MTHFSD: variants seen among roughly 807,000 people sequenced by gnomAD.
MTHFSD encodes methenyltetrahydrofolate synthetase domain containing.
In MTHFSD, 37 loss-of-function variants were observed where a neutral mutation model predicts 31.1. The ratio of observed to expected loss-of-function variants is 1.19; its 90% confidence interval spans 0.91 to 1.56. The LOEUF (loss-of-function observed/expected upper bound fraction) is 1.56, where lower values mean the gene tolerates loss of function less well. Ranked by LOEUF, MTHFSD falls within the 40% of genes most tolerant of loss-of-function variation. The probability of loss-of-function intolerance (pLI) is 0.00; values close to 1 mark genes in which losing one functional copy is unlikely to be tolerated. For missense variants in MTHFSD, 664 were observed against 510.1 expected (o/e 1.30, Z -2.91); for synonymous variants, 221 against 206.9 (o/e 1.07, Z -0.59).
chr16:86,550,166 C>A (rs372766822), intron 3 of MTHFSD, among the ~76,000 whole-genome samples: 5 of 152,340 alleles, frequency 3.3e-5, no homozygotes, highest in East Asian at 1.9e-4. Context: ...TGCATCTTTA[C>A]CTGCATCCCA....
rs1970063619 is a variant in MTHFSD, at chr16:86,532,200, G to T, written c.963C>A (p.Asp321Glu). 2 of 1,587,024 alleles carry T rather than the reference G, an allele frequency of 1.3e-6. No homozygotes were observed. Among genetic ancestry groups the T allele is most frequent in the Non-Finnish European group, 1.7e-6 (2 of 1,167,166 alleles). ...CGAGTTCCCGCAGGGCTCTCTTCAG[G>T]TCACTCACACGGGCGTCCCCGGGGA... ...GNLPGDARVSDLKRALRELGS... is the reference protein window; with the variant it reads ...GNLPGDARVSELKRALRELGS... The change falls in exon 8 of 8, where the codon GAC becomes GAA. Residue 321 changes from aspartate (D) to glutamate (E), a missense_variant. By Grantham distance (45) the Asp-to-Glu change is conservative. Coordinates refer to ENST00000360900, the MANE Select transcript of MTHFSD (RefSeq NM_001159377.2).
Position 86,541,705 on chromosome 16 carries a change from A to G in MTHFSD, c.673T>C (p.Trp225Arg). 1 of 1,613,378 alleles carries G rather than the reference A, an allele frequency of 6.2e-7. No individual in the cohort carries two copies. Among genetic ancestry groups the G allele is most frequent in the Non-Finnish European group, 8.5e-7 (1 of 1,179,736 alleles). The stretch of plus-strand genomic sequence containing the variant: ...CCACTGCCGTGACCCACCTTGAACC[A>G]GGTGATTCCCATTGGCTTTGGGCGC... ...CKRPKPMGIT[W>R]FKISLEMMEK... Residue 225 changes from tryptophan (W) to arginine (R), a missense_variant, in exon 7 of 8, where the codon TGG becomes CGG. By Grantham distance (101) the Trp-to-Arg change is moderately radical. Transcript: ENST00000360900.
intron 3 of MTHFSD, among the ~76,000 whole-genome samples, chr16:86,549,269 C>T (rs1188133476): frequency 6.6e-6 from 1 of 152,242 alleles, no homozygotes; most frequent in Non-Finnish European, 1.5e-5. Context: ...GACTCTGATG[C>T]ACACGAAAGT....
At chr16:86,551,596 A>G (rs1973150641) in intron 3 of MTHFSD, among the ~76,000 whole-genome samples, 2 of 152,238 alleles carry the variant, frequency 1.3e-5, no homozygotes, top group South Asian at 2.1e-4. Flanking sequence ...TGGTCTTTAT[A>G]GTATCAGAAC....
intron 7 of MTHFSD, among the ~76,000 whole-genome samples, chr16:86,536,791 C>T (rs4843392): frequency 0.22 from 32,917 of 152,268 alleles, 4,138 homozygotes; most frequent in East Asian, 0.34. Flanking sequence ...GGCTGCCTCC[C>T]TCCCCCTGCT....
In MTHFSD at chr16:86,548,542, CA is replaced by C. The variant is rs1172836832; in HGVS notation, c.272del (p.Leu91ArgfsTer20). On this transcript the variant is annotated frameshift_variant, in exon 4 of 8. Coordinates refer to ENST00000360900, the MANE Select transcript of MTHFSD (RefSeq NM_001159377.2). LOFTEE classifies it high-confidence loss of function. ...TGATCTTATTAAACAATCCCGTTCT[CA>C]GTCGTGGTGTTGGAACCAACAATGT... ...KKTLLVPTPR[L>X]RTGLFNKITP... is the part of the protein sequence containing the mutation. The C allele has an allele frequency of 3.7e-6, 6 of 1,613,172 alleles. No homozygotes were observed. Among genetic ancestry groups the C allele is most frequent in the Non-Finnish European group, 4.2e-6 (5 of 1,179,768 alleles).
At chr16:86,547,210 C>T (rs918759443) in intron 4 of MTHFSD, 1 of 986,118 alleles carries the variant, frequency 1.0e-6, no homozygotes, top group Non-Finnish European at 1.2e-6. Context: ...ACAATATACT[C>T]GCTTCTAAAA....
At chr16:86,550,825 C>G (rs186493042) in intron 3 of MTHFSD, among the ~76,000 whole-genome samples, 30 of 152,332 alleles carry the variant, frequency 2.0e-4, no homozygotes, top group African/African-American at 6.3e-4. Context: ...TGGGGCTGAA[C>G]CACCATCAGC....
chr16:86,548,540 C>G lies in MTHFSD; in HGVS notation c.275G>C (p.Arg92Thr), dbSNP rs1466212320. The G allele has an allele frequency of 6.2e-7, 1 of 1,613,292 alleles. No individual in the cohort carries two copies. Among genetic ancestry groups the G allele is most frequent in the Admixed American group, 1.7e-5 (1 of 59,822 alleles). Residue 92 changes from arginine to threonine, a missense_variant, in exon 4 of 8, where the codon AGA becomes ACA. Transcript: ENST00000360900. ...TGTGATCTTATTAAACAATCCCGTTCTCAGTCGTGGTGTTGGAACCAACAA... is the reference window on the plus strand; with the variant it reads ...TGTGATCTTATTAAACAATCCCGTTGTCAGTCGTGGTGTTGGAACCAACAA... ...KTLLVPTPRL[R>T]TGLFNKITPP...
chr16:86,532,025 G>T lies in MTHFSD; in HGVS notation c.1138C>A (p.Gln380Lys). 6.8e-7 allele frequency: 1 copy of T among 1,479,496 alleles called. No homozygotes were observed. 91.6% of individuals were successfully genotyped at this position (1,479,496 alleles called of 1,614,324 possible). Residue 380 changes from glutamine (Q) to lysine (K), a missense_variant, in exon 8 of 8, where the codon CAG (glutamine) becomes AAG (lysine). By Grantham distance (53) the Gln-to-Lys change is moderately conservative (BLOSUM62 1). Coordinates refer to ENST00000360900, the MANE Select transcript of MTHFSD (RefSeq NM_001159377.2). ...TGTCCACGAGGTCACTTGTCCCTCT[G>T]CTGCCTGGCCAGCGCCACCCTCAGG... ...DTLRVALARQ[Q>K]RDK
Position 86,542,449 on chromosome 16 carries a change from C to T in MTHFSD, c.443-236G>A, listed in dbSNP as rs917102171. On this transcript the variant is annotated intron_variant, in intron 5 of 7. Coordinates refer to ENST00000360900, the MANE Select transcript of MTHFSD (RefSeq NM_001159377.2). The surrounding 1 kb of genome is among the most constrained non-coding windows in gnomAD (Gnocchi z 4.6). ...ATGTCAGGTGGTGAAACTACAATGA[C>T]GTGAACACTGGACCGTTCAAGCATG... The T allele has an allele frequency of 1.6e-4, 84 of 541,468 alleles. 1 individual carries two copies. Among genetic ancestry groups the T allele is most frequent in the African/African-American group, 1.2e-3 (63 of 52,638 alleles). The allele number at this position is 541,468 out of a possible 1,614,324, so 33.5% of individuals were successfully genotyped here.
chr16:86,532,142 G>T lies in MTHFSD; in HGVS notation c.1021C>A (p.Pro341Thr), dbSNP rs1015642390. The change falls in exon 8 of 8, where the codon CCG becomes ACG. Residue 341 changes from proline to threonine, a missense_variant. Pro to Thr is a conservative substitution (Grantham distance 38). Transcript: ENST00000360900. ...TAATGGAGGAAGGCTCTGCGCCGCG[G>T]GCCCTGCCAGGTGAGCCGCAGGGGC... ...SVPLRLTWQG[P>T]RRRAFLHYPD... is the part of the protein sequence containing the mutation. The T allele has an allele frequency of 6.4e-7, 1 of 1,560,646 alleles. No individual in the cohort carries two copies.
At position 86,542,022 on chromosome 16, in the gene MTHFSD, A is replaced by T. The variant is rs1971599301; in HGVS notation, c.555+79T>A. 7.0e-6 allele frequency: 10 copies of T among 1,418,624 alleles called. No homozygotes were observed. In the East Asian group the frequency reaches 2.3e-4, roughly 33 times the overall value. The allele number at this position is 1,418,624 out of a possible 1,614,324, so 87.9% of individuals were successfully genotyped here. A position where few individuals can be genotyped will look rare whatever the true frequency, so the allele number is the denominator to read the frequency against. ...TCGCCACACAGCATGGTTCAGAAGC[A>T]GATGAGTCTCCTTCCCCACCCCCTG... On this transcript the variant is annotated intron_variant, in intron 6 of 7. Coordinates refer to ENST00000360900, the MANE Select transcript of MTHFSD (RefSeq NM_001159377.2). This position sits in a 1 kb window ranked among gnomAD's most constrained non-coding sequence, Gnocchi z 4.6.
At chr16:86,552,340 G>C (rs747677518) in intron 2 of MTHFSD, 194 bp from the exon 3 acceptor site, 30 of 1,479,662 alleles carry the variant, frequency 2.0e-5, no homozygotes, top group Non-Finnish European at 2.6e-5. Context: ...CACGCTCTCA[G>C]GCCAACTGCA....
chr16:86,541,396 A>T, intron 7 of MTHFSD: 1 of 567,164 alleles, frequency 1.8e-6, no homozygotes, highest in South Asian at 2.1e-5. Flanking sequence ...TAAAAATGAA[A>T]AACAGGGGGC....
chr16:86,554,076 G>A (rs1271214764), intron 2 of MTHFSD, among the ~76,000 whole-genome samples: 1 of 152,142 alleles, frequency 6.6e-6, no homozygotes, highest in Non-Finnish European at 1.5e-5. Flanking sequence ...CCAGATAAGA[G>A]ATTAAAAGCA....
chr16:86,547,354 AT>A, intron 4 of MTHFSD: 1 of 985,644 alleles, frequency 1.0e-6, no homozygotes, highest in Non-Finnish European at 1.2e-6. Context: ...GGAAAAAGCC[AT>A]TTTCAGTCCC....
intron 5 of MTHFSD, among the ~76,000 whole-genome samples, chr16:86,545,972 A>G (rs1312662173): frequency 6.6e-6 from 1 of 152,268 alleles, no homozygotes; most frequent in Non-Finnish European, 1.5e-5. Flanking sequence ...TGGAGACAGC[A>G]AGAGGTGGTG....
At chr16:86,554,882 T>C in intron 1 of MTHFSD, 131 bp from the exon 2 acceptor site, 1 of 1,054,090 alleles carries the variant, frequency 9.5e-7, no homozygotes, top group South Asian at 1.6e-5. Flanking sequence ...TGAGCCTCAG[T>C]TTCCCCGACC....
Sources: allele counts gnomAD v4.1 joint callset (sites outside exome capture counted in the v4.1 genomes callset), GRCh38; gene constraint gnomAD v4.1.1; non-coding constraint Gnocchi (gnomAD v3.1); transcripts MANE v1.5; gene names NCBI Gene and HGNC (gene_info 2026-07-23, HGNC 2026-07-21).